Variants in MED13 observed in about 807,000 individuals in gnomAD.
The protein encoded by MED13 is mediator of RNA polymerase II transcription subunit 13.
MED13 carries 23 observed loss-of-function variants against 225.2 expected under a neutral mutation model. The ratio of observed to expected loss-of-function variants is 0.10; its 90% CI spans 0.07 to 0.14. The LOEUF (loss-of-function observed/expected upper bound fraction) is 0.14. MED13 is among the 10% of genes least tolerant of loss of function. MED13 has a pLI of 1.00. For synonymous variants in MED13, 942 were observed against 889.2 expected (o/e 1.06, Z -1.06); for missense variants, 2,197 against 2,594.5 (o/e 0.85, Z 3.33).
chr17:61,949,502 T>C (rs2079878822), intron 28 of MED13, among the ~76,000 whole-genome samples: 1 of 151,658 alleles, frequency 6.6e-6, no homozygotes, highest in Admixed American at 6.6e-5. Context: ...GCTGGGATTA[T>C]AGGGGTGAAT....
intron 26 of MED13, 110 bp from the exon 27 acceptor site, chr17:61,953,223 C>A: frequency 9.3e-7 from 1 of 1,074,834 alleles, no homozygotes; most frequent in Non-Finnish European, 1.3e-6. Context: ...GTTAATTTAA[C>A]CAACATTTAC....
At chr17:62,033,476 A>G (rs1376828913) in intron 5 of MED13, among the ~76,000 whole-genome samples, 1 of 152,222 alleles carries the variant, frequency 6.6e-6, no homozygotes, top group Non-Finnish European at 1.5e-5. Context: ...GATGTAACAT[A>G]CACCATATCC....
rs1167771197 is a variant in MED13 at position 62,015,936 on chromosome 17, ATATATATATATATATATATTTTTTT to A, written c.1284-4728_1284-4704del. Among the ~76,000 whole-genome samples, 65 of 8,832 alleles carry A rather than the reference ATATATATATATATATATATTTTTTT, an allele frequency of 7.4e-3. 3 individuals are homozygous for A. The highest frequency in any genetic ancestry group is 0.015 in the Non-Finnish European group (53 of 3,638). The allele number at this position is 8,832 out of a possible 152,430, so 5.8% of individuals were successfully genotyped here. ...TACACATATATATATATATATATAT[ATATATATATATATATATATTTTTTT>A]TTTTTTTTTTTTTTTTTTTTTTAGT... On this transcript the variant is annotated intron_variant, in intron 8 of 29. Coordinates refer to ENST00000397786, the MANE Select transcript of MED13 (RefSeq NM_005121.3).
chr17:62,027,784 CAT>C (rs1389828950), intron 8 of MED13, among the ~76,000 whole-genome samples: 3 of 152,130 alleles, frequency 2.0e-5, no homozygotes, highest in South Asian at 4.1e-4. Flanking sequence ...CAAAAGAAGA[CAT>C]ATGTGCAGCC....
intron 3 of MED13, among the ~76,000 whole-genome samples, chr17:62,036,163 G>A (rs2080801739): frequency 6.6e-6 from 1 of 151,444 alleles, no homozygotes; most frequent in Middle Eastern, 3.4e-3. Flanking sequence ...AGAATTAACA[G>A]TGACTTAATT....
intron 11 of MED13, among the ~76,000 whole-genome samples, chr17:61,989,375 CTT>C (rs541819392): frequency 4.9e-4 from 74 of 150,216 alleles, no homozygotes; most frequent in Middle Eastern, 3.6e-3. Context: ...GAGTTTCACT[CTT>C]GTCACCCAGG....
At chr17:62,015,930 ATATATATATATATATATATATATATTTTT>A (rs2080566442) in intron 8 of MED13, among the ~76,000 whole-genome samples, 28 of 6,644 alleles carry the variant, frequency 4.2e-3, no homozygotes, top group Admixed American at 2.4e-3. Flanking sequence ...ATATATATAT[ATATATATATATATATATATATATATTTTT>A]TTTTTTTTTT....
Position 62,010,911 on chromosome 17 carries a change from G to C in MED13, c.1606C>G (p.Leu536Val). Residue 536 changes from leucine to valine, a missense_variant, in exon 9 of 30, where the codon CTT (leucine) becomes GTT (valine). Physicochemically the swap from Leu to Val is conservative, Grantham distance 32. Coordinates refer to ENST00000397786, the MANE Select transcript of MED13 (RefSeq NM_005121.3). Reference sequence around the variant, plus strand: ...ACCACATCACAAGGGTGAGGACTAAGTGGGGGTGGTTGAGGTGAATTTGCC... The same window carrying C: ...ACCACATCACAAGGGTGAGGACTAACTGGGGGTGGTTGAGGTGAATTTGCC... ...EMANSPQPPP[L>V]SPHPCDVVDE... The C allele has an allele frequency of 1.9e-6, 3 of 1,613,222 alleles. No homozygotes were observed. The highest frequency in any genetic ancestry group is 1.3e-5 in the African/African-American group (1 of 75,066).
intron 18 of MED13, 124 bp downstream of exon 18, chr17:61,967,911 G>T: frequency 1.4e-6 from 1 of 737,410 alleles, no homozygotes. Context: ...GCTAGTATGA[G>T]AAATAAACAT....
intron 2 of MED13, 96 bp downstream of exon 2, chr17:62,062,971 C>T: frequency 1.1e-6 from 1 of 875,910 alleles, no homozygotes; most frequent in Non-Finnish European, 1.7e-6. Context: ...CCTAAGTCTC[C>T]CACAAAAACA....
chr17:61,965,297 G>A lies in MED13; in HGVS notation c.4553C>T (p.Ser1518Leu). 6.2e-7 allele frequency: 1 copy of A among 1,614,258 alleles called. No homozygotes were observed. Among genetic ancestry groups the A allele is most frequent in the Non-Finnish European group, 8.5e-7 (1 of 1,180,040 alleles). The change falls in exon 20 of 30, where the codon TCA (serine) becomes TTA (leucine). Residue 1518 changes from serine to leucine, a missense_variant. Ser to Leu is a moderately radical substitution (Grantham distance 145). Around this residue, in one of 12 missense-constraint regions of MED13, gnomAD observed 457 missense variants for 442.2 expected, o/e 1.03. Transcript: ENST00000397786. The stretch of plus-strand genomic sequence containing the variant: ...AACTGAAGTAGATATGGCAACACCT[G>A]AAGTCACTGTCATAGTGCTGCTCGC... ...SAASSTMTVT[S>L]GVAISTSVAT...
At chr17:62,063,325 T>C (rs1252298067) in intron 1 of MED13, 24 bp from the exon 2 acceptor site, 2 of 1,487,914 alleles carry the variant, frequency 1.3e-6, no homozygotes, top group African/African-American at 1.4e-5. Flanking sequence ...AGCATTAAGT[T>C]TTATTACTGC....
intron 3 of MED13, among the ~76,000 whole-genome samples, chr17:62,049,079 A>G (rs569474173): frequency 1.1e-4 from 12 of 105,634 alleles, no homozygotes; most frequent in Non-Finnish European, 1.8e-4. Flanking sequence ...TAAATAAGAC[A>G]AAAAAAAAAA....
intron 8 of MED13, among the ~76,000 whole-genome samples, chr17:62,020,406 C>A (rs1457550533): frequency 6.6e-6 from 1 of 152,026 alleles, no homozygotes; most frequent in Non-Finnish European, 1.5e-5. Context: ...TTTAGACAGT[C>A]TCGCTCTTTT....
chr17:62,025,944 G>A (rs2080697460), intron 8 of MED13, among the ~76,000 whole-genome samples: 1 of 152,100 alleles, frequency 6.6e-6, no homozygotes, highest in Non-Finnish European at 1.5e-5. Context: ...TTCAATTTAT[G>A]CAAAAACATA....
chr17:61,956,768 T>G (rs1326577261), intron 23 of MED13, among the ~76,000 whole-genome samples: 1 of 152,148 alleles, frequency 6.6e-6, no homozygotes, highest in African/African-American at 2.4e-5. Flanking sequence ...CTCGAGCTCC[T>G]GACCTCGTGA....
At chr17:62,011,296 AG>A in intron 8 of MED13, 63 bp from the exon 9 acceptor site, 3 of 1,373,236 alleles carry the variant, frequency 2.2e-6, no homozygotes, top group Non-Finnish European at 3.0e-6. Flanking sequence ...GTATAATACC[AG>A]TTAATAGTAT....
chr17:62,056,543 A>ACT lies in MED13; in HGVS notation c.302-3840_302-3839dup, dbSNP rs1445764852. ...CTTGGGAAGCTAAGACAGAAGGATCACTTGAAGCTAGGAGTTCAAGACTAG... is the reference window on the plus strand; with the variant it reads ...CTTGGGAAGCTAAGACAGAAGGATCACTCTTGAAGCTAGGAGTTCAAGACTAG... On this transcript the variant is annotated intron_variant, in intron 2 of 29. Coordinates refer to ENST00000397786, the MANE Select transcript of MED13 (RefSeq NM_005121.3). 1.4e-4 allele frequency among the ~76,000 whole-genome samples: 22 copies of ACT among 152,320 alleles called. No homozygotes were observed. In the Middle Eastern group the frequency reaches 0.02, roughly 141 times the overall value.
intron 23 of MED13, 138 bp from the exon 24 acceptor site, chr17:61,956,619 A>G (rs1603391073): frequency 2.8e-6 from 2 of 725,962 alleles, no homozygotes. Context: ...GCTCACTGCA[A>G]CCTCCACCTT....
Sources: gnomAD v4.1 joint callset for allele counts (sites outside exome capture counted in the v4.1 genomes callset) on GRCh38, gnomAD v4.1.1 for gene constraint, gnomAD v4.1.1 regional missense constraint, MANE v1.5 for transcripts, NCBI Gene and HGNC (gene_info 2026-07-23, HGNC 2026-07-21) for gene names.